FRMPD3: variants seen among roughly 807,000 people sequenced by gnomAD.
FRMPD3 encodes FERM and PDZ domain-containing protein 3.
In FRMPD3, 42 loss-of-function variants were observed where a neutral mutation model predicts 97.9. The ratio of observed to expected loss-of-function variants is 0.43; its 90% confidence interval spans 0.34 to 0.55. The LOEUF (loss-of-function observed/expected upper bound fraction) is 0.55. FRMPD3 is among the 20% of genes least tolerant of loss of function. The probability of loss-of-function intolerance (pLI) is 0.03; values close to 1 mark genes in which losing one functional copy is unlikely to be tolerated. For missense variants in FRMPD3, 1,303 were observed against 1,457.7 expected (o/e 0.89, Z 1.73); for synonymous variants, 577 against 581.1 (o/e 0.99, Z 0.10).
chrX:107,460,550 C>T (rs1289151318), intron 1 of FRMPD3, among the ~76,000 whole-genome samples: 1 of 110,489 alleles, frequency 9.1e-6, no homozygotes, highest in East Asian at 2.8e-4. Context: ...GCCACCACGC[C>T]CAGCTAATTT....
At chrX:107,471,151 A>G (rs758376387) in intron 1 of FRMPD3, among the ~76,000 whole-genome samples, 1 of 111,919 alleles carries the variant, frequency 8.9e-6, no homozygotes, top group Admixed American at 9.4e-5. Flanking sequence ...AGCTTCGCAC[A>G]AGGGGCTGAA....
rs59276897 is a variant in FRMPD3 at position 107,557,797 on chromosome X, CTATATATATATATATATA to C, written c.763-2433_763-2416del. ...TGTACTTTTGTTAAAAATCTGTTGT[CTATATATATATATATATA>C]TATATATATATATATATATATATAT... On this transcript the variant is annotated intron_variant, in intron 8 of 14. Transcript: ENST00000683843. 1.1e-3 allele frequency among the ~76,000 whole-genome samples: 34 copies of C among 30,027 alleles called. No individual in the cohort carries two copies. In the South Asian group the frequency reaches 0.013, roughly 12 times the overall value. The allele number at this position is 30,027 out of a possible 115,157, so 26.1% of individuals were successfully genotyped here. A position where few individuals can be genotyped will look rare whatever the true frequency, so the allele number is the denominator to read the frequency against.
intron 1 of FRMPD3, among the ~76,000 whole-genome samples, chrX:107,501,353 ATTTTTTTT>A (rs1180253334): frequency 2.2e-5 from 1 of 44,737 alleles, no homozygotes; most frequent in African/African-American, 9.6e-5. Context: ...CTTGTCTCCT[ATTTTTTTT>A]TTTTTTTTTT....
intron 3 of FRMPD3, among the ~76,000 whole-genome samples, chrX:107,532,428 G>A (rs1923007909): frequency 1.8e-5 from 2 of 112,301 alleles, no homozygotes; most frequent in Admixed American, 1.9e-4. Flanking sequence ...TCCAGATAAT[G>A]GAGAACCTTT....
chrX:107,595,830 C>T (rs1037003039), intron 13 of FRMPD3, among the ~76,000 whole-genome samples: 1 of 107,556 alleles, frequency 9.3e-6, no homozygotes, highest in Non-Finnish European at 1.9e-5. Flanking sequence ...CCTGGCTACT[C>T]GGGAGGCTGA....
At chrX:107,567,036 T>G (rs1922632005) in intron 12 of FRMPD3, among the ~76,000 whole-genome samples, 1 of 112,375 alleles carries the variant, frequency 8.9e-6, no homozygotes, top group Non-Finnish European at 1.9e-5. Context: ...CAGACAAGGC[T>G]CAAATCCCAG....
intron 1 of FRMPD3, among the ~76,000 whole-genome samples, chrX:107,480,895 G>GAAAGAAA (rs1921337447): frequency 4.8e-4 from 29 of 60,599 alleles, no homozygotes; most frequent in East Asian, 3.9e-3. Flanking sequence ...AAGGAAGGAA[G>GAAAGAAA]GAAAGAAAGA....
chrX:107,536,364 A>G (rs950489404), intron 4 of FRMPD3, among the ~76,000 whole-genome samples: 3 of 111,147 alleles, frequency 2.7e-5, no homozygotes, highest in Non-Finnish European at 5.7e-5. Flanking sequence ...TCTAAAAAAC[A>G]AGCAAAAATA....
chrX:107,564,273 C>T (rs1224157279), intron 11 of FRMPD3, among the ~76,000 whole-genome samples: 2 of 112,706 alleles, frequency 1.8e-5, no homozygotes, highest in Non-Finnish European at 3.8e-5. Context: ...CACCCACCTA[C>T]CACTGCTAAA....
chrX:107,518,503 A>G (rs1258669781), intron 1 of FRMPD3, among the ~76,000 whole-genome samples: 2 of 111,931 alleles, frequency 1.8e-5, no homozygotes, highest in Non-Finnish European at 3.8e-5. Flanking sequence ...GAATTCACCA[A>G]TAATGATATC....
At chrX:107,584,625 G>T (rs1436429041) in intron 13 of FRMPD3, among the ~76,000 whole-genome samples, 2 of 112,185 alleles carry the variant, frequency 1.8e-5, no homozygotes, top group Non-Finnish European at 3.8e-5. Context: ...TTTGTATAAG[G>T]TGTAAGGAAG....
intron 1 of FRMPD3, among the ~76,000 whole-genome samples, chrX:107,482,604 T>A (rs752124806): frequency 9.0e-6 from 1 of 111,024 alleles, no homozygotes; most frequent in Non-Finnish European, 1.9e-5. Flanking sequence ...CTCTTCAGAG[T>A]CACAAGACCC....
chrX:107,511,187 T>C (rs919691607), intron 1 of FRMPD3, among the ~76,000 whole-genome samples: 3 of 111,748 alleles, frequency 2.7e-5, no homozygotes, highest in Non-Finnish European at 3.8e-5. Context: ...GGCCTACTCA[T>C]TGTCTATGCC....
chrX:107,591,277 C>T lies in FRMPD3; in HGVS notation c.1442-6044C>T, dbSNP rs141298577. Among the ~76,000 whole-genome samples, 773 of 109,934 alleles carry T rather than the reference C, an allele frequency of 7.0e-3. 8 individuals are homozygous for T. Among genetic ancestry groups the T allele is most frequent in the African/African-American group, 0.024 (719 of 30,205 alleles). On this transcript the variant is annotated intron_variant, in intron 13 of 14. Transcript: ENST00000683843. The stretch of plus-strand genomic sequence containing the variant: ...GGTTCAAACTATTCTCCTGCCTCAG[C>T]CTCCCAAGTAGCTGGGATTACAAGT...
chrX:107,511,521 G>T (rs888728580), intron 1 of FRMPD3, among the ~76,000 whole-genome samples: 1 of 113,027 alleles, frequency 8.8e-6, no homozygotes, highest in African/African-American at 3.2e-5. Flanking sequence ...GGCATGGAAG[G>T]CTGGTGGCCC....
At chrX:107,467,835 T>G (rs1931600806) in intron 1 of FRMPD3, among the ~76,000 whole-genome samples, 1 of 111,349 alleles carries the variant, frequency 9.0e-6, no homozygotes, top group African/African-American at 3.3e-5. Flanking sequence ...CCCTGCAGTT[T>G]AGGTACCGAA....
chrX:107,462,050 A>G (rs1258722753), intron 1 of FRMPD3, among the ~76,000 whole-genome samples: 1 of 110,620 alleles, frequency 9.0e-6, no homozygotes, highest in Non-Finnish European at 1.9e-5. Flanking sequence ...AGCCTCTGCT[A>G]TGAAGACTTC....
intron 1 of FRMPD3, among the ~76,000 whole-genome samples, chrX:107,524,674 T>C (rs955354559): frequency 4.4e-5 from 5 of 112,786 alleles, no homozygotes; most frequent in Non-Finnish European, 1.9e-5. Context: ...ACTGATGAAT[T>C]TGATATTCTT....
At chrX:107,516,367 T>C (rs1167713946) in intron 1 of FRMPD3, among the ~76,000 whole-genome samples, 1 of 111,390 alleles carries the variant, frequency 9.0e-6, no homozygotes, top group Non-Finnish European at 1.9e-5. Flanking sequence ...GCAGCATGTT[T>C]TATAATCCTT....
Sources: gnomAD v4.1 joint callset for allele counts (sites outside exome capture counted in the v4.1 genomes callset) on GRCh38, gnomAD v4.1.1 for gene constraint, MANE v1.5 for transcripts, NCBI Gene and HGNC (gene_info 2026-07-23, HGNC 2026-07-21) for gene names.